The following SH3BP4 variants were observed in gnomAD, a reference collection of about 807,000 sequenced individuals.
SH3BP4 encodes the protein SH3 domain binding protein 4.
In SH3BP4, 33 loss-of-function variants were observed where a neutral mutation model predicts 65.5. The ratio of observed to expected loss-of-function variants is 0.50; its 90% CI spans 0.38 to 0.67. The LOEUF (loss-of-function observed/expected upper bound fraction) is 0.67. SH3BP4 is among the 30% of genes least tolerant of loss of function. SH3BP4 has a pLI of 0.00. For missense variants in SH3BP4, 1,134 were observed against 1,261.4 expected, an observed-to-expected ratio of 0.90 and a Z score of 1.53; for synonymous variants, 552 against 545.5, an observed-to-expected ratio of 1.01 and a Z score of -0.17.
intron 4 of SH3BP4, among the ~76,000 whole-genome samples, chr2:235,044,574 C>T (rs1469470817): frequency 6.6e-6 from 1 of 152,246 alleles, no homozygotes; most frequent in Non-Finnish European, 1.5e-5. Context: ...TGCCGCTCTT[C>T]CTCGTTCCTC....
At chr2:235,025,481 G>A (rs1694971425) in intron 2 of SH3BP4, among the ~76,000 whole-genome samples, 2 of 152,182 alleles carry the variant, frequency 1.3e-5, no homozygotes, top group Admixed American at 6.5e-5. Context: ...CTGAATGCAC[G>A]TGATGCTGAA....
chr2:235,024,697 C>T (rs1242638644), intron 2 of SH3BP4, among the ~76,000 whole-genome samples: 1 of 152,058 alleles, frequency 6.6e-6, no homozygotes, highest in African/African-American at 2.4e-5. Flanking sequence ...CAGAATGGCA[C>T]CTAAGATGCA....
intron 4 of SH3BP4, among the ~76,000 whole-genome samples, chr2:235,044,612 G>C (rs1695784100): frequency 6.6e-6 from 1 of 152,232 alleles, no homozygotes; most frequent in Non-Finnish European, 1.5e-5. Context: ...TTGCATCCTA[G>C]CTTCTGAGAG....
At chr2:234,962,449 A>C (rs2114813) in intron 1 of SH3BP4, among the ~76,000 whole-genome samples, 44,229 of 151,820 alleles carry the variant, frequency 0.29, 6,706 homozygotes, top group Non-Finnish European at 0.34. Context: ...CTTCTTTTCC[A>C]AAAAAAATAA....
Position 234,952,291 on chromosome 2 carries a change from A to T in SH3BP4, c.-207+121A>T, listed in dbSNP as rs1196133729. On this transcript the variant is annotated intron_variant, in intron 1 of 5. Transcript: ENST00000392011. The surrounding 1 kb of genome is among the most constrained non-coding windows in gnomAD (Gnocchi z 6.5). ...GGCGCAGATCGTGCCGCGGGCGCCG[A>T]TCGTGCCACCGCCGCCTGAGTTCGG... 1 of 149,798 alleles carries T rather than the reference A, an allele frequency of 6.7e-6. No individual in the cohort carries two copies. The highest frequency in any genetic ancestry group is 2.4e-5 in the African/African-American group (1 of 40,890). The allele number at this position is 149,798 out of a possible 1,614,324, so 9.3% of individuals were successfully genotyped here. A position where few individuals can be genotyped will look rare whatever the true frequency, so the allele number is the denominator to read the frequency against.
chr2:235,027,290 T>G (rs1695031890), intron 2 of SH3BP4, among the ~76,000 whole-genome samples: 1 of 152,224 alleles, frequency 6.6e-6, no homozygotes, highest in South Asian at 2.1e-4. Flanking sequence ...GTTAACCCCG[T>G]GGTCTCCTCG....
intron 3 of SH3BP4, among the ~76,000 whole-genome samples, chr2:235,036,499 T>C (rs1368673074): frequency 1.3e-5 from 2 of 152,116 alleles, no homozygotes; most frequent in South Asian, 2.1e-4. Context: ...CTCACGCCTG[T>C]AATCCCAGCA....
rs186048983 is a variant in SH3BP4 at position 235,042,451 on chromosome 2, G to A, written c.1682G>A (p.Gly561Glu). The A allele has an allele frequency of 6.2e-7, 1 of 1,614,022 alleles. No homozygotes were observed. Among genetic ancestry groups the A allele is most frequent in the Non-Finnish European group, 8.5e-7 (1 of 1,180,034 alleles). Residue 561 changes from glycine (G) to glutamate (E), a missense_variant, in exon 4 of 6, where the codon GGA becomes GAA. Physicochemically the swap from Gly to Glu is moderately conservative, Grantham distance 98. Coordinates refer to ENST00000392011, the MANE Select transcript of SH3BP4 (RefSeq NM_014521.3). The surrounding 1 kb of genome is among the most constrained non-coding windows in gnomAD (Gnocchi z 7.3). ...KASEQAKVVRGFQLKLGKVSR... is the reference protein window; with the variant it reads ...KASEQAKVVREFQLKLGKVSR... The stretch of plus-strand genomic sequence containing the variant: ...AGCGAGCAGGCCAAAGTGGTGCGAG[G>A]ATTCCAGCTGAAGCTGGGCAAGGTG...
intron 2 of SH3BP4, among the ~76,000 whole-genome samples, chr2:235,007,034 C>A (rs1032135233): frequency 2.6e-5 from 4 of 152,106 alleles, no homozygotes; most frequent in African/African-American, 9.7e-5. Flanking sequence ...CAGGGCCTGG[C>A]CACGGGTAAA....
intron 2 of SH3BP4, among the ~76,000 whole-genome samples, chr2:235,007,589 C>T (rs1461696748): frequency 2.0e-5 from 3 of 152,296 alleles, no homozygotes; most frequent in Non-Finnish European, 2.9e-5. Flanking sequence ...AATGGTTTTC[C>T]AGAGAGTTTG....
At chr2:235,044,692 G>A (rs1187283887) in intron 4 of SH3BP4, among the ~76,000 whole-genome samples, 4 of 152,250 alleles carry the variant, frequency 2.6e-5, no homozygotes, top group Admixed American at 6.5e-5. Context: ...GTTTGTCTGG[G>A]AGAGCCCAGA....
chr2:235,053,478 T>C, intron 5 of SH3BP4, 114 bp from the exon 6 acceptor site: 1 of 735,956 alleles, frequency 1.4e-6, no homozygotes, highest in Non-Finnish European at 2.3e-6. Flanking sequence ...CGTGAAAGAG[T>C]GTCCCAAATA....
intron 1 of SH3BP4, among the ~76,000 whole-genome samples, chr2:234,989,094 A>G (rs1049997629): frequency 3.9e-5 from 6 of 152,034 alleles, no homozygotes; most frequent in Non-Finnish European, 8.8e-5. Flanking sequence ...TCGCTTTCTC[A>G]GTTCTGTAAA....
At chr2:234,983,792 C>G (rs1404676644) in intron 1 of SH3BP4, among the ~76,000 whole-genome samples, 2 of 152,150 alleles carry the variant, frequency 1.3e-5, no homozygotes, top group East Asian at 3.9e-4. Context: ...GGGCCCTGAG[C>G]CAGGAATCCA....
intron 1 of SH3BP4, among the ~76,000 whole-genome samples, chr2:234,990,130 G>A (rs1453520060): frequency 1.3e-5 from 2 of 152,216 alleles, no homozygotes; most frequent in East Asian, 1.9e-4. Flanking sequence ...ATATCTCATT[G>A]TGTATGTGCA....
rs538568414 is a variant in SH3BP4 at position 235,035,002 on chromosome 2, G to A, written c.-1G>A. The A allele has an allele frequency of 1.2e-6, 2 of 1,613,578 alleles. No homozygotes were observed. The highest frequency in any genetic ancestry group is 4.5e-5 in the East Asian group (2 of 44,850). On this transcript the variant is annotated 5_prime_UTR_variant, in exon 3 of 6. Transcript: ENST00000392011. The surrounding 1 kb of genome is among the most constrained non-coding windows in gnomAD (Gnocchi z 5.0). ...GCTTTACCCGGGAAGCGAGTTTCGA[G>A]ATGGCGGCTCAGCGGATCCGAGCGG...
In SH3BP4 at chr2:234,997,661, G is replaced by A. The variant is rs1693965163; in HGVS notation, c.-133+2285G>A. Among the ~76,000 whole-genome samples the A allele has an allele frequency of 6.6e-6, 1 of 152,166 alleles. No individual in the cohort carries two copies. The highest frequency in any genetic ancestry group is 1.5e-5 in the Non-Finnish European group (1 of 68,010). On this transcript the variant is annotated intron_variant, in intron 2 of 5. Transcript: ENST00000392011. The surrounding 1 kb of genome is among the most constrained non-coding windows in gnomAD (Gnocchi z 4.2). The stretch of plus-strand genomic sequence containing the variant: ...CTGTGGTTGTTCCCACTGTCCCACT[G>A]ATGGCTGGGAAGGGTGAGCTCCAGC...
intron 1 of SH3BP4, among the ~76,000 whole-genome samples, chr2:234,988,929 A>G (rs771531778): frequency 6.6e-6 from 1 of 152,232 alleles, no homozygotes. Context: ...TGTGTTCTGC[A>G]TAAGAAAATG....
At position 235,052,622 on chromosome 2, in the gene SH3BP4, C is replaced by T. The variant is rs369186930; in HGVS notation, c.2539C>T (p.Leu847=). ...VVRLIQDFVL[L]TTAVEVAQRW... is the part of the protein sequence containing the mutation. ...CAGACTCATCCAGGACTTTGTGCTC[C>T]TGACCACGGCTGTAGAGGTGGCCCA... The change falls in exon 5 of 6, where the codon CTG becomes TTG. Residue 847 remains leucine, a synonymous_variant. Transcript: ENST00000392011. The surrounding 1 kb of genome is among the most constrained non-coding windows in gnomAD (Gnocchi z 5.0). 1.9e-6 allele frequency: 3 copies of T among 1,565,388 alleles called. No individual in the cohort carries two copies. The highest frequency in any genetic ancestry group is 2.6e-6 in the Non-Finnish European group (3 of 1,155,468).
Sources: allele counts gnomAD v4.1 joint callset (sites outside exome capture counted in the v4.1 genomes callset), GRCh38; gene constraint gnomAD v4.1.1; non-coding constraint Gnocchi (gnomAD v3.1); transcripts MANE v1.5; gene names NCBI Gene and HGNC (gene_info 2026-07-23, HGNC 2026-07-21).